Variants in ADGRL3 observed in about 807,000 individuals in gnomAD.
ADGRL3 encodes calcium-independent alpha-latrotoxin receptor 3.
In ADGRL3, 62 loss-of-function variants were observed where a neutral mutation model predicts 153.5. The observed-to-expected ratio is 0.40, with a 90% CI of 0.33 to 0.50. ADGRL3 has a LOEUF of 0.50. ADGRL3 is among the 20% of genes least tolerant of loss of function. ADGRL3 has a pLI of 0.47. For missense variants in ADGRL3, 1,641 were observed against 1,859.4 expected, an observed-to-expected ratio of 0.88 and a Z score of 2.16; for synonymous variants, 710 against 672.5, an observed-to-expected ratio of 1.06 and a Z score of -0.86.
intron 2 of ADGRL3, among the ~76,000 whole-genome samples, chr4:61,391,400 G>A (rs1446824658): frequency 1.3e-5 from 2 of 152,158 alleles, no homozygotes; most frequent in Non-Finnish European, 2.9e-5. Flanking sequence ...CCATTCATGA[G>A]GGATTCACCT....
intron 5 of ADGRL3, among the ~76,000 whole-genome samples, chr4:61,588,325 A>G (rs977714464): frequency 5.3e-5 from 8 of 151,962 alleles, no homozygotes; most frequent in African/African-American, 1.9e-4. Context: ...CAAAAACAGT[A>G]GATTTCAAGG....
At chr4:61,918,182 A>G (rs183445521) in intron 13 of ADGRL3, among the ~76,000 whole-genome samples, 5 of 152,288 alleles carry the variant, frequency 3.3e-5, no homozygotes, top group Admixed American at 1.3e-4. Flanking sequence ...AAGAGATTGT[A>G]TAGAGTTTTC....
At chr4:61,755,801 G>T (rs560332125) in intron 8 of ADGRL3, among the ~76,000 whole-genome samples, 2 of 152,120 alleles carry the variant, frequency 1.3e-5, no homozygotes, top group East Asian at 3.9e-4. Flanking sequence ...TTTGTATAAG[G>T]TGTAAAGAAG....
At chr4:61,876,622 T>C (rs2098476900) in intron 9 of ADGRL3, among the ~76,000 whole-genome samples, 1 of 151,248 alleles carries the variant, frequency 6.6e-6, no homozygotes, top group African/African-American at 2.4e-5. Context: ...GTAAACGGAG[T>C]TGGGCCTGGG....
chr4:61,638,262 A>G (rs1292319813), intron 5 of ADGRL3, among the ~76,000 whole-genome samples: 1 of 152,172 alleles, frequency 6.6e-6, no homozygotes, highest in African/African-American at 2.4e-5. Context: ...TCAGAAACAT[A>G]ATGTTGAATG....
chr4:61,718,957 T>A (rs904524959), intron 6 of ADGRL3, among the ~76,000 whole-genome samples: 1 of 152,218 alleles, frequency 6.6e-6, no homozygotes, highest in Non-Finnish European at 1.5e-5. Context: ...AGTGAATTGC[T>A]TCACAGATGT....
At chr4:61,638,413 T>C (rs964687304) in intron 5 of ADGRL3, among the ~76,000 whole-genome samples, 1 of 152,116 alleles carries the variant, frequency 6.6e-6, no homozygotes, top group African/African-American at 2.4e-5. Context: ...ATCCTAAACT[T>C]CATAGTGGTG....
At chr4:61,871,157 A>G (rs2098442793) in intron 9 of ADGRL3, among the ~76,000 whole-genome samples, 1 of 152,078 alleles carries the variant, frequency 6.6e-6, no homozygotes, top group Non-Finnish European at 1.5e-5. Context: ...GAGTGCCTGC[A>G]GTCCCAACTA....
At chr4:61,973,105 G>A (rs968539893) in intron 17 of ADGRL3, among the ~76,000 whole-genome samples, 1 of 151,802 alleles carries the variant, frequency 6.6e-6, no homozygotes, top group Non-Finnish European at 1.5e-5. Flanking sequence ...ACTATTTTAA[G>A]ATCTGTCTCT....
chr4:61,677,156 A>T, intron 6 of ADGRL3: 1 of 494,530 alleles, frequency 2.0e-6, no homozygotes, highest in South Asian at 2.6e-5. Flanking sequence ...TCTGTATATG[A>T]ATACGTGTTC....
chr4:61,324,259 G>A (rs1348099139), intron 1 of ADGRL3, among the ~76,000 whole-genome samples: 1 of 152,030 alleles, frequency 6.6e-6, no homozygotes, highest in African/African-American at 2.4e-5. Flanking sequence ...TTATCTTGCA[G>A]TCTACAGACA....
chr4:61,828,597 T>G (rs2097837958), intron 9 of ADGRL3, among the ~76,000 whole-genome samples: 1 of 152,266 alleles, frequency 6.6e-6, no homozygotes, highest in South Asian at 2.1e-4. Context: ...TTATTTTTCT[T>G]TATAAAATCG....
chr4:61,861,314 A>G (rs2098337764), intron 9 of ADGRL3, among the ~76,000 whole-genome samples: 1 of 152,190 alleles, frequency 6.6e-6, no homozygotes, highest in South Asian at 2.1e-4. Context: ...ATTAAATCAA[A>G]TAACCTGGGT....
At chr4:61,980,636 T>C (rs1188684155) in intron 18 of ADGRL3, among the ~76,000 whole-genome samples, 2 of 152,034 alleles carry the variant, frequency 1.3e-5, no homozygotes, top group South Asian at 2.1e-4. Context: ...AGACAAGGTT[T>C]CGCCATGTTG....
At chr4:61,323,158 G>A (rs1264991617) in intron 1 of ADGRL3, among the ~76,000 whole-genome samples, 1 of 152,116 alleles carries the variant, frequency 6.6e-6, no homozygotes, top group Non-Finnish European at 1.5e-5. Flanking sequence ...GACCCTTTTA[G>A]TCAGTGTCTG....
chr4:61,774,405 A>G (rs942466010), intron 8 of ADGRL3, among the ~76,000 whole-genome samples: 2 of 151,246 alleles, frequency 1.3e-5, no homozygotes, highest in African/African-American at 2.4e-5. Context: ...AAAGGGAAAC[A>G]TAAAAAAAAA....
chr4:61,996,467 C>T (rs1387289149), intron 20 of ADGRL3, 110 bp downstream of exon 20: 2 of 733,550 alleles, frequency 2.7e-6, no homozygotes, highest in South Asian at 3.4e-5. Flanking sequence ...AAAGCATGTA[C>T]TTATTTGACC....
chr4:61,587,263 G>A lies in ADGRL3; in HGVS notation c.296G>A (p.Arg99His), dbSNP rs764433793. ...GCCCCAATTCCAATGGCTGTGGTCCGCAGAGAGCTATCCTGTGAGAGCTAT... is the reference window on the plus strand; with the variant it reads ...GCCCCAATTCCAATGGCTGTGGTCCACAGAGAGCTATCCTGTGAGAGCTAT... ...SRAPIPMAVV[R>H]RELSCESYPI... is the part of the protein sequence containing the mutation. The change falls in exon 5 of 27, where the codon CGC becomes CAC. Residue 99 changes from arginine (R) to histidine (H), a missense_variant. Transcript: ENST00000683033. The A allele has an allele frequency of 1.2e-6, 2 of 1,609,136 alleles. No individual in the cohort carries two copies. The highest frequency in any genetic ancestry group is 1.7e-6 in the Non-Finnish European group (2 of 1,177,508).
intron 3 of ADGRL3, among the ~76,000 whole-genome samples, chr4:61,510,250 G>T (rs1442549913): frequency 6.6e-6 from 1 of 152,116 alleles, no homozygotes; most frequent in Non-Finnish European, 1.5e-5. Flanking sequence ...CTGTGTGAAA[G>T]TTCTTTAGTT....
Sources: gnomAD v4.1 joint callset for allele counts (sites outside exome capture counted in the v4.1 genomes callset) on GRCh38, gnomAD v4.1.1 for gene constraint, MANE v1.5 for transcripts, NCBI Gene and HGNC (gene_info 2026-07-23, HGNC 2026-07-21) for gene names.